The following CRPPA variants were observed in gnomAD, a reference collection of about 807,000 sequenced individuals.
The protein encoded by CRPPA is D-ribitol-5-phosphate cytidylyltransferase.
Under a neutral mutation model 52.0 loss-of-function variants are expected in CRPPA, and 43 were observed. The ratio of observed to expected loss-of-function variants is 0.83; its 90% confidence interval spans 0.65 to 1.07. The LOEUF is 1.07. CRPPA is among the 50% of genes least tolerant of loss of function. CRPPA has a pLI of 0.00. For synonymous variants in CRPPA, 250 were observed against 203.5 expected (o/e 1.23, Z -1.94); for missense variants, 629 against 551.7 (o/e 1.14, Z -1.40).
chr7:16,227,084 C>T (rs1229970114), intron 8 of CRPPA, among the ~76,000 whole-genome samples: 1 of 151,770 alleles, frequency 6.6e-6, no homozygotes, highest in Non-Finnish European at 1.5e-5. Context: ...CCTTCTTTTT[C>T]ATGGCCAAAG....
intron 9 of CRPPA, among the ~76,000 whole-genome samples, chr7:16,135,015 A>T (rs1007002749): frequency 1.3e-5 from 2 of 152,214 alleles, no homozygotes; most frequent in Non-Finnish European, 2.9e-5. Flanking sequence ...AACACACTAT[A>T]TTAAATTCAT....
chr7:16,182,984 G>T (rs1408058748), intron 9 of CRPPA, among the ~76,000 whole-genome samples: 1 of 151,918 alleles, frequency 6.6e-6, no homozygotes, highest in Non-Finnish European at 1.5e-5. Flanking sequence ...AAATCACAAG[G>T]GCTGACTCAA....
At chr7:16,359,586 C>A (rs1786390019) in intron 3 of CRPPA, among the ~76,000 whole-genome samples, 1 of 152,162 alleles carries the variant, frequency 6.6e-6, no homozygotes, top group Admixed American at 6.5e-5. Context: ...GAAGTGAGAA[C>A]CTAATTTAAG....
intron 5 of CRPPA, among the ~76,000 whole-genome samples, chr7:16,280,214 G>A (rs572547755): frequency 1.3e-5 from 2 of 152,332 alleles, no homozygotes; most frequent in South Asian, 2.1e-4. Context: ...TGATTTAGTA[G>A]TGAGTTCTAA....
chr7:16,223,014 A>G (rs1351197001), intron 8 of CRPPA, among the ~76,000 whole-genome samples: 1 of 152,174 alleles, frequency 6.6e-6, no homozygotes, highest in African/African-American at 2.4e-5. Flanking sequence ...AATCTTGGCC[A>G]GGCATGGTGG....
At chr7:16,210,556 G>A (rs1782106480) in intron 9 of CRPPA, 1 of 152,152 alleles carries the variant, frequency 6.6e-6, no homozygotes, top group East Asian at 1.9e-4. Flanking sequence ...CATGAACTGA[G>A]GCCTCAGTGC....
chr7:16,291,983 C>T (rs1332072565), intron 5 of CRPPA, among the ~76,000 whole-genome samples: 1 of 151,900 alleles, frequency 6.6e-6, no homozygotes, highest in African/African-American at 2.4e-5. Context: ...CAATTATGCA[C>T]TTTATGGTAG....
rs1335218574 is a variant in CRPPA, at chr7:16,089,471, A to ACGTG, written c.*2223_*2224insCACG. 8 of 324,758 alleles carry ACGTG rather than the reference A, an allele frequency of 2.5e-5. No individual in the cohort carries two copies. The East Asian group carries it at 5.4e-4, about 22-fold the overall frequency. 20.1% of individuals were successfully genotyped at this position (324,758 alleles called of 1,614,324 possible). A position where few individuals can be genotyped will look rare whatever the true frequency, so the allele number is the denominator to read the frequency against. ...TGCATACATATATGTGTATATATGT[A>ACGTG]CGTACATATATACGGGTATATATGT... On this transcript the variant is annotated 3_prime_UTR_variant, in exon 10 of 10. Coordinates refer to ENST00000407010, the MANE Select transcript of CRPPA (RefSeq NM_001101426.4).
intron 1 of CRPPA, among the ~76,000 whole-genome samples, chr7:16,415,706 G>T (rs754574583): frequency 2.6e-5 from 4 of 152,100 alleles, no homozygotes; most frequent in Non-Finnish European, 4.4e-5. Context: ...AGGTTACCAC[G>T]CGCCTAGCTC....
chr7:16,182,148 T>C (rs1781424721), intron 9 of CRPPA, among the ~76,000 whole-genome samples: 1 of 152,026 alleles, frequency 6.6e-6, no homozygotes, highest in African/African-American at 2.4e-5. Flanking sequence ...AAATACGTTG[T>C]TTAACATTGT....
At chr7:16,162,139 A>C (rs1184453082) in intron 9 of CRPPA, among the ~76,000 whole-genome samples, 2 of 152,002 alleles carry the variant, frequency 1.3e-5, no homozygotes, top group Non-Finnish European at 2.9e-5. Flanking sequence ...CAGCTCCTAG[A>C]TTCACTGATT....
chr7:16,101,878 T>G (rs1442718000), intron 9 of CRPPA, among the ~76,000 whole-genome samples: 5 of 152,176 alleles, frequency 3.3e-5, no homozygotes, highest in Non-Finnish European at 4.4e-5. Context: ...ATGGCCATAT[T>G]GCCCAACGTA....
At chr7:16,310,618 C>T (rs17461171) in intron 3 of CRPPA, among the ~76,000 whole-genome samples, 2,866 of 151,892 alleles carry the variant, frequency 0.019, 40 homozygotes, top group Non-Finnish European at 0.026. Context: ...TGTGACTCAT[C>T]GACAAAGTCA....
At chr7:16,408,122 T>TA (rs199596938) in intron 1 of CRPPA, among the ~76,000 whole-genome samples, 4 of 137,182 alleles carry the variant, frequency 2.9e-5, no homozygotes, top group East Asian at 2.1e-4. Flanking sequence ...AAAAAAAAAA[T>TA]AAAAAAATAA....
intron 9 of CRPPA, among the ~76,000 whole-genome samples, chr7:16,136,682 A>C (rs964575379): frequency 9.2e-5 from 14 of 152,196 alleles, no homozygotes; most frequent in East Asian, 1.9e-4. Context: ...CCATTACGTT[A>C]AGTATGTGGA....
intron 5 of CRPPA, among the ~76,000 whole-genome samples, chr7:16,283,153 G>A (rs1784352280): frequency 1.3e-5 from 2 of 151,322 alleles, no homozygotes; most frequent in Admixed American, 1.3e-4. Context: ...TTACAAAAGG[G>A]TCTATCATAT....
intron 3 of CRPPA, among the ~76,000 whole-genome samples, chr7:16,363,831 T>C (rs1200268776): frequency 6.6e-6 from 1 of 152,132 alleles, no homozygotes; most frequent in Non-Finnish European, 1.5e-5. Context: ...AAACTTACAA[T>C]TCAAATAGAA....
At chr7:16,167,033 A>G (rs552172871) in intron 9 of CRPPA, among the ~76,000 whole-genome samples, 4 of 150,548 alleles carry the variant, frequency 2.7e-5, no homozygotes, top group Admixed American at 2.0e-4. Flanking sequence ...GGTTCACACC[A>G]TTGTCCTGCC....
chr7:16,358,653 A>G (rs1378197349), intron 3 of CRPPA, among the ~76,000 whole-genome samples: 1 of 152,220 alleles, frequency 6.6e-6, no homozygotes, highest in Non-Finnish European at 1.5e-5. Flanking sequence ...TATAAGCAGA[A>G]AACTCCCACT....
Sources: gnomAD v4.1 joint callset for allele counts (sites outside exome capture counted in the v4.1 genomes callset) on GRCh38, gnomAD v4.1.1 for gene constraint, MANE v1.5 for transcripts, NCBI Gene and HGNC (gene_info 2026-07-23, HGNC 2026-07-21) for gene names.